TRPC1: variants seen among roughly 807,000 people sequenced by gnomAD.
TRPC1 encodes short transient receptor potential channel 1.
In TRPC1, 42 loss-of-function variants were observed where a neutral mutation model predicts 88.2. That is an observed-to-expected ratio of 0.48 (90% CI 0.37 to 0.62). The LOEUF is 0.62. Ranked by LOEUF, TRPC1 falls within the 20% of genes least tolerant of loss-of-function variation. The probability of loss-of-function intolerance (pLI) is 0.00; values close to 1 mark genes in which losing one functional copy is unlikely to be tolerated. For synonymous variants in TRPC1, 288 were observed against 331.8 expected, an observed-to-expected ratio of 0.87 and a Z score of 1.43; for missense variants, 699 against 957.3, an observed-to-expected ratio of 0.73 and a Z score of 3.56.
intron 7 of TRPC1, 133 bp from the exon 8 acceptor site, chr3:142,790,886 T>G: frequency 2.8e-6 from 2 of 717,642 alleles, no homozygotes; most frequent in Non-Finnish European, 3.7e-6. Context: ...ACTAAAATGT[T>G]TTTGGTTTTG....
At position 142,724,585 on chromosome 3, in the gene TRPC1, C is replaced by T. The variant is rs370471720; in HGVS notation, c.26C>T (p.Thr9Met). 1.9e-6 allele frequency: 3 copies of T among 1,594,434 alleles called. No individual in the cohort carries two copies. The highest frequency in any genetic ancestry group is 2.3e-5 in the East Asian group (1 of 44,084). Reference sequence around the variant, plus strand: ...ATGATGGCGGCCCTGTACCCGAGCACGGACCTCTCGGGCGCCTCCTCCTCC... The same window carrying T: ...ATGATGGCGGCCCTGTACCCGAGCATGGACCTCTCGGGCGCCTCCTCCTCC... MMAALYPSTDLSGASSSSL... is the reference protein window; with the variant it reads MMAALYPSMDLSGASSSSL... The change falls in exon 1 of 13, where the codon ACG becomes ATG. Residue 9 changes from threonine (T) to methionine (M), a missense_variant. Transcript: ENST00000476941. The surrounding 1 kb of genome is among the most constrained non-coding windows in gnomAD (Gnocchi z 5.6).
Position 142,736,424 on chromosome 3 carries a change from G to A in TRPC1, c.218G>A (p.Gly73Asp), listed in dbSNP as rs911529345. The A allele has an allele frequency of 6.2e-7, 1 of 1,611,616 alleles. No homozygotes were observed. The highest frequency in any genetic ancestry group is 8.5e-7 in the Non-Finnish European group (1 of 1,179,170). Residue 73 changes from glycine to aspartate, a missense_variant, in exon 2 of 13, where the codon GGT becomes GAT. This residue lies in a region of TRPC1 where 157 missense variants were observed against 127.0 expected (regional missense o/e 1.24). Coordinates refer to ENST00000476941, the MANE Select transcript of TRPC1 (RefSeq NM_001251845.2). ...AAGATTTTGGAGGAAAACAGTTCAG[G>A]TGACTTGAACATAAATTGCGTAGAT... is the stretch of plus-strand genomic sequence containing the variant. ...VKKILEENSS[G>D]DLNINCVDVL...
intron 4 of TRPC1, among the ~76,000 whole-genome samples, chr3:142,750,450 C>G (rs1934714560): frequency 6.6e-6 from 1 of 152,150 alleles, no homozygotes; most frequent in South Asian, 2.1e-4. Context: ...AATAGAAATG[C>G]TTTTACACTG....
intron 9 of TRPC1, among the ~76,000 whole-genome samples, chr3:142,797,755 G>A (rs1467674645): frequency 6.6e-6 from 1 of 151,998 alleles, no homozygotes; most frequent in South Asian, 2.1e-4. Context: ...TGGGCTTTAC[G>A]TAAATGTTTA....
chr3:142,790,623 C>T (rs1414238019), intron 7 of TRPC1, among the ~76,000 whole-genome samples: 1 of 151,984 alleles, frequency 6.6e-6, no homozygotes, highest in Non-Finnish European at 1.5e-5. Flanking sequence ...GACTGAGCCC[C>T]TTGTGCGGGG....
intron 10 of TRPC1, among the ~76,000 whole-genome samples, chr3:142,803,281 T>C (rs1252401668): frequency 6.6e-6 from 1 of 152,124 alleles, no homozygotes; most frequent in Admixed American, 6.6e-5. Flanking sequence ...ACGAAGAACA[T>C]TTCTGGGGGA....
At chr3:142,763,979 T>TAC (rs1935286568) in intron 4 of TRPC1, among the ~76,000 whole-genome samples, 1 of 68,746 alleles carries the variant, frequency 1.5e-5, no homozygotes, top group Non-Finnish European at 2.6e-5. Flanking sequence ...TATATATATA[T>TAC]ATATACACAT....
intron 7 of TRPC1, chr3:142,785,313 C>T (rs1936096810): frequency 4.0e-6 from 1 of 248,834 alleles, no homozygotes; most frequent in African/African-American, 2.3e-5. Flanking sequence ...TATGGTTATT[C>T]ATGATTGTAA....
chr3:142,788,587 G>C (rs1936204085), intron 7 of TRPC1, among the ~76,000 whole-genome samples: 2 of 151,998 alleles, frequency 1.3e-5, no homozygotes, highest in Non-Finnish European at 2.9e-5. Flanking sequence ...GCTTGAGTTA[G>C]AAAGGTATGC....
At chr3:142,788,981 A>G (rs935040242) in intron 7 of TRPC1, among the ~76,000 whole-genome samples, 4 of 152,092 alleles carry the variant, frequency 2.6e-5, no homozygotes. Context: ...TCTCCAATTC[A>G]TGTTGTAAGT....
intron 7 of TRPC1, among the ~76,000 whole-genome samples, chr3:142,787,544 TTTAC>T (rs1225475550): frequency 4.6e-5 from 7 of 152,202 alleles, no homozygotes; most frequent in African/African-American, 1.7e-4. Flanking sequence ...ATGGTATCCT[TTTAC>T]TTAATTTTTG....
intron 4 of TRPC1, among the ~76,000 whole-genome samples, chr3:142,762,040 GT>G (rs1263948376): frequency 6.6e-6 from 1 of 151,638 alleles, no homozygotes; most frequent in Non-Finnish European, 1.5e-5. Flanking sequence ...TGTGGTTTTT[GT>G]TTTTGGTTTT....
chr3:142,790,896 G>GT (rs61563090), intron 7 of TRPC1, 123 bp from the exon 8 acceptor site: 197,103 of 828,530 alleles, frequency 0.24, 24,626 homozygotes, highest in African/African-American at 0.64. Context: ...TTTTGGTTTT[G>GT]TTTTTTTTTC....
intron 9 of TRPC1, among the ~76,000 whole-genome samples, chr3:142,799,930 T>A (rs1936565922): frequency 6.6e-6 from 1 of 152,212 alleles, no homozygotes; most frequent in South Asian, 2.1e-4. Context: ...AAAGCTACTT[T>A]GACTACATGT....
rs1045728084 is a variant in TRPC1, at chr3:142,807,831, A to C, written c.*1596A>C. The C allele has an allele frequency of 1.3e-5, 2 of 152,120 alleles. No individual in the cohort carries two copies. The highest frequency in any genetic ancestry group is 2.9e-5 in the Non-Finnish European group (2 of 68,018). The allele number at this position is 152,120 out of a possible 1,614,324, so 9.4% of individuals were successfully genotyped here. Reference sequence around the variant, plus strand: ...TGAGTTGCTTCTGAGGTACATTTTGAATGACAGCATATTGTAAGAAAAAAA... The same window carrying C: ...TGAGTTGCTTCTGAGGTACATTTTGCATGACAGCATATTGTAAGAAAAAAA... On this transcript the variant is annotated 3_prime_UTR_variant, in exon 13 of 13. Coordinates refer to ENST00000476941, the MANE Select transcript of TRPC1 (RefSeq NM_001251845.2).
At chr3:142,783,334 G>A (rs1936022617) in intron 6 of TRPC1, among the ~76,000 whole-genome samples, 1 of 152,154 alleles carries the variant, frequency 6.6e-6, no homozygotes, top group South Asian at 2.1e-4. Flanking sequence ...ATTTCACCTT[G>A]AGGGACAAAT....
Position 142,724,529 on chromosome 3 carries a change from G to A in TRPC1, c.-31G>A. On this transcript the variant is annotated 5_prime_UTR_variant, in exon 1 of 13. Coordinates refer to ENST00000476941, the MANE Select transcript of TRPC1 (RefSeq NM_001251845.2). This position sits in a 1 kb window ranked among gnomAD's most constrained non-coding sequence, Gnocchi z 5.6. ...CGGGGCCGGTGGGGGCCCCGCCCCCGTCTCCTGGCCTGCCCCCTTCATGGG... is the reference window on the plus strand; with the variant it reads ...CGGGGCCGGTGGGGGCCCCGCCCCCATCTCCTGGCCTGCCCCCTTCATGGG... The A allele has an allele frequency of 7.0e-7, 1 of 1,430,550 alleles. No homozygotes were observed. Among genetic ancestry groups the A allele is most frequent in the Non-Finnish European group, 9.2e-7 (1 of 1,090,382 alleles). 88.6% of individuals were successfully genotyped at this position (1,430,550 alleles called of 1,614,324 possible).
intron 3 of TRPC1, among the ~76,000 whole-genome samples, chr3:142,747,699 G>A (rs772527840): frequency 2.4e-4 from 36 of 152,096 alleles, no homozygotes; most frequent in Non-Finnish European, 4.7e-4. Flanking sequence ...ATTTTTTGGC[G>A]TTTATAGTAG....
intron 4 of TRPC1, among the ~76,000 whole-genome samples, chr3:142,770,989 T>C (rs1312676138): frequency 1.3e-5 from 2 of 152,134 alleles, no homozygotes; most frequent in Non-Finnish European, 2.9e-5. Context: ...AGAGCAAAGA[T>C]GTCACATAGT....
Sources: gnomAD v4.1 joint callset for allele counts (sites outside exome capture counted in the v4.1 genomes callset) on GRCh38, gnomAD v4.1.1 for gene constraint, gnomAD v4.1.1 regional missense constraint, Gnocchi (gnomAD v3.1) non-coding constraint, MANE v1.5 for transcripts, NCBI Gene and HGNC (gene_info 2026-07-23, HGNC 2026-07-21) for gene names.